RORA: variants seen among roughly 807,000 people sequenced by gnomAD.
RORA encodes the protein nuclear receptor ROR-alpha.
In RORA, 7 loss-of-function variants were observed where a neutral mutation model predicts 69.5. The ratio of observed to expected loss-of-function variants is 0.10; its 90% confidence interval spans 0.06 to 0.19. The LOEUF (loss-of-function observed/expected upper bound fraction) is 0.19. Ranked by LOEUF, RORA falls within the 10% of genes least tolerant of loss-of-function variation. The probability of loss-of-function intolerance (pLI) is 1.00; values close to 1 mark genes in which losing one functional copy is unlikely to be tolerated. For synonymous variants in RORA, 261 were observed against 240.8 expected, an observed-to-expected ratio of 1.08 and a Z score of -0.78; for missense variants, 457 against 663.0, an observed-to-expected ratio of 0.69 and a Z score of 3.41.
chr15:60,784,586 T>C (rs1336845667), intron 1 of RORA, among the ~76,000 whole-genome samples: 3 of 152,210 alleles, frequency 2.0e-5, no homozygotes, highest in South Asian at 2.1e-4. Flanking sequence ...GCACTGAGTG[T>C]ACTGTTGTTA....
chr15:60,952,210 T>G (rs1037757539), intron 1 of RORA, among the ~76,000 whole-genome samples: 13 of 151,858 alleles, frequency 8.6e-5, no homozygotes, highest in Non-Finnish European at 2.9e-5. Context: ...TCTCAATAGA[T>G]GCAGAAAAAG....
chr15:60,913,409 G>A (rs534425439), intron 1 of RORA, among the ~76,000 whole-genome samples: 70 of 152,348 alleles, frequency 4.6e-4, no homozygotes, highest in Non-Finnish European at 8.5e-4. Context: ...GGAAAGCCTA[G>A]AGGAAATTGG....
intron 9 of RORA, 139 bp from the exon 10 acceptor site, chr15:60,500,143 A>G (rs1567037598): frequency 3.4e-6 from 2 of 595,928 alleles, no homozygotes; most frequent in African/African-American, 1.9e-5. Context: ...TCCTCTTTCA[A>G]AATTTCTCCT....
At chr15:61,158,936 T>C (rs775802403) in intron 1 of RORA, among the ~76,000 whole-genome samples, 4 of 152,198 alleles carry the variant, frequency 2.6e-5, no homozygotes, top group Non-Finnish European at 5.9e-5. Context: ...GGACAGAGGA[T>C]ATCAAGGGAA....
At chr15:60,593,076 C>G in intron 2 of RORA, 4 of 374,662 alleles carry the variant, frequency 1.1e-5, no homozygotes, top group Non-Finnish European at 2.1e-5. Flanking sequence ...AACGAAGCCA[C>G]TGGGACCGTC....
Position 60,531,424 on chromosome 15 carries a change from T to C in RORA, c.282+342A>G, listed in dbSNP as rs1364242985. 1.5e-5 allele frequency: 3 copies of C among 205,884 alleles called. No individual in the cohort carries two copies. The highest frequency in any genetic ancestry group is 2.9e-5 in the Non-Finnish European group (3 of 105,198). The allele number at this position is 205,884 out of a possible 1,614,324, so 12.8% of individuals were successfully genotyped here. ...AATTAAACTTACTGGAGATGTCTTT[T>C]TATAAGCTTATGACAGGGACATTGT... On this transcript the variant is annotated intron_variant, in intron 3 of 10. Transcript: ENST00000335670. The surrounding 1 kb of genome is among the most constrained non-coding windows in gnomAD (Gnocchi z 4.8).
intron 1 of RORA, among the ~76,000 whole-genome samples, chr15:61,182,450 C>T (rs1452586916): frequency 2.6e-5 from 4 of 152,196 alleles, no homozygotes; most frequent in African/African-American, 9.7e-5. Flanking sequence ...AAAAGCAATG[C>T]TTTACACCTG....
intron 2 of RORA, among the ~76,000 whole-genome samples, chr15:60,643,744 G>C (rs2069986798): frequency 6.6e-6 from 1 of 152,108 alleles, no homozygotes; most frequent in South Asian, 2.1e-4. Context: ...TGAATGCTTA[G>C]CATGAAAATG....
chr15:60,955,603 A>G (rs959117556), intron 1 of RORA, among the ~76,000 whole-genome samples: 2 of 152,264 alleles, frequency 1.3e-5, no homozygotes, highest in Non-Finnish European at 2.9e-5. Flanking sequence ...TCAACACAAT[A>G]AGAACTCACA....
At chr15:60,778,223 TTTTGTTTG>T (rs138545305) in intron 1 of RORA, among the ~76,000 whole-genome samples, 8 of 116,690 alleles carry the variant, frequency 6.9e-5, no homozygotes, top group Non-Finnish European at 1.0e-4. Flanking sequence ...AGGTTTTTGT[TTTTGTTTG>T]TTTGTTTGTT....
At chr15:60,743,266 C>T (rs1202161157) in intron 1 of RORA, among the ~76,000 whole-genome samples, 7 of 152,088 alleles carry the variant, frequency 4.6e-5, no homozygotes, top group African/African-American at 1.2e-4. Flanking sequence ...CCGACCGCCT[C>T]GGCCTCCTAA....
chr15:60,972,996 GA>G (rs34309313), intron 1 of RORA, among the ~76,000 whole-genome samples: 2,376 of 144,918 alleles, frequency 0.016, 41 homozygotes, highest in African/African-American at 0.044. Context: ...GCATTTGGGA[GA>G]AAAAAAAAAA....
At chr15:60,664,793 G>A (rs1318990697) in intron 2 of RORA, among the ~76,000 whole-genome samples, 1 of 152,158 alleles carries the variant, frequency 6.6e-6, no homozygotes, top group Non-Finnish European at 1.5e-5. Context: ...TTCTTTTATT[G>A]GGTCACATCT....
chr15:60,881,479 G>T (rs1431951702), intron 1 of RORA, among the ~76,000 whole-genome samples: 1 of 152,204 alleles, frequency 6.6e-6, no homozygotes, highest in African/African-American at 2.4e-5. Context: ...AGAAAATCAG[G>T]ATACGGCTTA....
At chr15:60,689,100 G>T (rs563789568) in intron 1 of RORA, among the ~76,000 whole-genome samples, 21 of 152,156 alleles carry the variant, frequency 1.4e-4, no homozygotes, top group Non-Finnish European at 8.8e-5. Context: ...CCAACTAGTC[G>T]TTTCACTTGA....
intron 2 of RORA, chr15:60,556,797 TA>T: frequency 7.4e-7 from 1 of 1,357,664 alleles, no homozygotes; most frequent in Non-Finnish European, 1.0e-6. Flanking sequence ...CACTTCTTCC[TA>T]AAAGCCTTCG....
Position 60,954,383 on chromosome 15 carries a change from A to G in RORA, c.166+274670T>C, listed in dbSNP as rs576784820. Reference sequence around the variant, plus strand: ...GGTGCAGCGCACCAGCATGGCACATATATACATATGTAACTAACCTGCACA... The same window carrying G: ...GGTGCAGCGCACCAGCATGGCACATGTATACATATGTAACTAACCTGCACA... On this transcript the variant is annotated intron_variant, in intron 1 of 10. Coordinates refer to ENST00000335670, the MANE Select transcript of RORA (RefSeq NM_134261.3). Among the ~76,000 whole-genome samples, 84 of 146,692 alleles carry G rather than the reference A, an allele frequency of 5.7e-4. No homozygotes were observed. In the South Asian group the frequency reaches 9.7e-3, roughly 17 times the overall value.
chr15:61,215,282 A>C (rs1400162699), intron 1 of RORA, among the ~76,000 whole-genome samples: 1 of 152,076 alleles, frequency 6.6e-6, no homozygotes, highest in African/African-American at 2.4e-5. Flanking sequence ...TGTGTGACTT[A>C]AGGCATAGAA....
chr15:60,697,184 C>T (rs181491051), intron 1 of RORA, among the ~76,000 whole-genome samples: 5 of 152,184 alleles, frequency 3.3e-5, no homozygotes, highest in South Asian at 2.1e-4. Flanking sequence ...CTAAAAGCAA[C>T]GCCAATTGCT....
Sources: allele counts gnomAD v4.1 joint callset (sites outside exome capture counted in the v4.1 genomes callset), GRCh38; gene constraint gnomAD v4.1.1; non-coding constraint Gnocchi (gnomAD v3.1); transcripts MANE v1.5; gene names NCBI Gene and HGNC (gene_info 2026-07-23, HGNC 2026-07-21).